The following DTD2 variants were observed in gnomAD, a reference collection of about 807,000 sequenced individuals.
The protein encoded by DTD2 is D-aminoacyl-tRNA deacylase 2.
Under a neutral mutation model 15.5 loss-of-function variants are expected in DTD2, and 12 were observed. That is an observed-to-expected ratio of 0.77 (90% CI 0.50 to 1.25). The LOEUF (loss-of-function observed/expected upper bound fraction) is 1.25. DTD2 is among the 50% of genes most tolerant of loss of function. DTD2 has a pLI of 0.00. For synonymous variants in DTD2, 59 were observed against 77.3 expected, an observed-to-expected ratio of 0.76 and a Z score of 1.24; for missense variants, 170 against 201.1, an observed-to-expected ratio of 0.85 and a Z score of 0.93.
rs201669408 is a variant in DTD2 at position 31,447,819 on chromosome 14, CA to C, written c.*309del. ...CTGGCGACAGAGCAAGACTCCATCT[CA>C]AAAAAAAAACAAAAACAAAAAAACA... On this transcript the variant is annotated 3_prime_UTR_variant, in exon 3 of 3. Coordinates refer to ENST00000310850, the MANE Select transcript of DTD2 (RefSeq NM_080664.3). The C allele has an allele frequency of 1.2e-3, 231 of 188,326 alleles. No homozygotes were observed. The highest frequency in any genetic ancestry group is 2.9e-3 in the South Asian group (24 of 8,402). 11.7% of individuals were successfully genotyped at this position (188,326 alleles called of 1,614,324 possible).
chr14:31,447,985 G>T lies in DTD2; in HGVS notation c.*144C>A. 1 of 656,942 alleles carries T rather than the reference G, an allele frequency of 1.5e-6. No individual in the cohort carries two copies. Among genetic ancestry groups the T allele is most frequent in the Non-Finnish European group, 2.5e-6 (1 of 396,320 alleles). 40.7% of individuals were successfully genotyped at this position (656,942 alleles called of 1,614,324 possible). On this transcript the variant is annotated 3_prime_UTR_variant, in exon 3 of 3. Coordinates refer to ENST00000310850, the MANE Select transcript of DTD2 (RefSeq NM_080664.3). ...ACTTGGCAAAGTCATCCAATTAGCA[G>T]GTGCAGAGTTATATATGAAACCCAA... is the stretch of plus-strand genomic sequence containing the variant.
intron 1 of DTD2, chr14:31,456,957 C>T: frequency 2.9e-6 from 1 of 339,976 alleles, no homozygotes; most frequent in Non-Finnish European, 5.5e-6. Flanking sequence ...TGCCCCCGAC[C>T]AGCATAGACC....
intron 2 of DTD2, 56 bp downstream of exon 2, chr14:31,453,219 G>T: frequency 6.4e-7 from 1 of 1,553,976 alleles, no homozygotes. Flanking sequence ...GATTACAGGT[G>T]TGAGCACCAT....
chr14:31,447,523 T>TA lies in DTD2; in HGVS notation c.*605dup, dbSNP rs2031974264. 6.6e-6 allele frequency: 1 copy of TA among 151,886 alleles called. No individual in the cohort carries two copies. The highest frequency in any genetic ancestry group is 1.5e-5 in the Non-Finnish European group (1 of 67,970). The allele number at this position is 151,886 out of a possible 1,614,324, so 9.4% of individuals were successfully genotyped here. ...AAATACTTAAAATGTACATAATTTT[T>TA]AAAAAACAACTAAGAGGCCGGGCAC... On this transcript the variant is annotated 3_prime_UTR_variant, in exon 3 of 3. Coordinates refer to ENST00000310850, the MANE Select transcript of DTD2 (RefSeq NM_080664.3).
At chr14:31,454,815 T>C (rs890159291) in intron 1 of DTD2, among the ~76,000 whole-genome samples, 2 of 152,234 alleles carry the variant, frequency 1.3e-5, no homozygotes, top group African/African-American at 4.8e-5. Context: ...TAATTCTCAC[T>C]GTAGCTTTAA....
intron 1 of DTD2, among the ~76,000 whole-genome samples, chr14:31,455,581 T>G (rs994051095): frequency 4.0e-5 from 6 of 151,044 alleles, no homozygotes; most frequent in Non-Finnish European, 7.4e-5. Context: ...GATAATTATT[T>G]TATTTATTAT....
intron 1 of DTD2, 46 bp downstream of exon 1, chr14:31,457,237 C>A (rs947219220): frequency 1.3e-5 from 20 of 1,517,696 alleles, no homozygotes; most frequent in Admixed American, 1.2e-4. Context: ...CGGAAAAAAC[C>A]GCCCCGCACG....
chr14:31,453,473 C>T (rs2032061945), intron 1 of DTD2, 129 bp from the exon 2 acceptor site: 1 of 706,524 alleles, frequency 1.4e-6, no homozygotes, highest in South Asian at 2.9e-5. Flanking sequence ...ATGAACTTTA[C>T]AAAAGATTTC....
chr14:31,457,038 C>T, intron 1 of DTD2: 1 of 550,384 alleles, frequency 1.8e-6, no homozygotes, highest in African/African-American at 1.9e-5. Flanking sequence ...CCTGTGGTCC[C>T]CCCAAGAAGG....
intron 2 of DTD2, among the ~76,000 whole-genome samples, chr14:31,450,249 G>A (rs924410202): frequency 6.6e-6 from 1 of 152,174 alleles, no homozygotes; most frequent in Non-Finnish European, 1.5e-5. Context: ...ACAAATATCA[G>A]TATGTAGATA....
At chr14:31,455,641 G>C (rs1471006633) in intron 1 of DTD2, among the ~76,000 whole-genome samples, 1 of 151,168 alleles carries the variant, frequency 6.6e-6, no homozygotes, top group African/African-American at 2.4e-5. Context: ...GAGTGCAGTG[G>C]CGTGATCTTG....
intron 1 of DTD2, among the ~76,000 whole-genome samples, chr14:31,453,958 G>C (rs2032068187): frequency 2.6e-5 from 4 of 152,196 alleles, no homozygotes; most frequent in Admixed American, 2.6e-4. Flanking sequence ...TAAAAGGTTG[G>C]TTGTTATCAG....
At chr14:31,448,482 T>G in intron 2 of DTD2, 28 bp from the exon 3 acceptor site, 1 of 1,543,770 alleles carries the variant, frequency 6.5e-7, no homozygotes, top group Non-Finnish European at 8.7e-7. Context: ...GCAAAACATT[T>G]TAAAGTGAAA....
In DTD2 at chr14:31,457,498, G is replaced by C. The variant is rs1013071298; in HGVS notation, c.-105C>G. On this transcript the variant is annotated 5_prime_UTR_variant, in exon 1 of 3. Transcript: ENST00000310850. ...CGAGGCGGGGCACGACGAAGGGCCT[G>C]CGCCGATTGCCCAGTGGCCCCGCCC... 2.5e-5 allele frequency: 20 copies of C among 808,766 alleles called. No individual in the cohort carries two copies. In the East Asian group the frequency reaches 6.4e-4, roughly 26 times the overall value. 50.1% of individuals were successfully genotyped at this position (808,766 alleles called of 1,614,324 possible). A position where few individuals can be genotyped will look rare whatever the true frequency, so the allele number is the denominator to read the frequency against.
intron 1 of DTD2, 81 bp downstream of exon 1, chr14:31,457,202 G>A (rs2032105220): frequency 1.5e-6 from 2 of 1,308,202 alleles, no homozygotes; most frequent in Non-Finnish European, 2.1e-6. Flanking sequence ...GGGAGACACA[G>A]AGCGGACGAG....
intron 2 of DTD2, among the ~76,000 whole-genome samples, chr14:31,450,605 T>C (rs1292021060): frequency 6.6e-6 from 1 of 152,188 alleles, no homozygotes; most frequent in African/African-American, 2.4e-5. Context: ...CTTAGCCTGC[T>C]GGAATAGAGG....
intron 1 of DTD2, among the ~76,000 whole-genome samples, chr14:31,454,180 G>C (rs1262687702): frequency 1.3e-5 from 2 of 152,158 alleles, no homozygotes; most frequent in African/African-American, 4.8e-5. Flanking sequence ...TAAACACAGT[G>C]CCTGGTTCAT....
In DTD2 at chr14:31,457,312, C is replaced by G; in HGVS notation, c.82G>C (p.Asp28His). Residue 28 changes from aspartate (D) to histidine (H), a missense_variant, in exon 1 of 3, where the codon GAT becomes CAT. By Grantham distance (81) the Asp-to-His change is moderately conservative. Coordinates refer to ENST00000310850, the MANE Select transcript of DTD2 (RefSeq NM_080664.3). ...LHARLQIRPA[D>H]GDVAAQWVEV... is the part of the protein sequence containing the mutation. ...ACCCACTGGGCCGCGACGTCCCCAT[C>G]GGCTGGGCGAATTTGCAGCCGGGCG... 2 of 1,593,430 alleles carry G rather than the reference C, an allele frequency of 1.3e-6. No individual in the cohort carries two copies. The highest frequency in any genetic ancestry group is 1.7e-6 in the Non-Finnish European group (2 of 1,171,396).
In DTD2 at chr14:31,447,250, T is replaced by C. The variant is rs771253261; in HGVS notation, c.*879A>G. 2 of 151,964 alleles carry C rather than the reference T, an allele frequency of 1.3e-5. No homozygotes were observed. The highest frequency in any genetic ancestry group is 2.9e-5 in the Non-Finnish European group (2 of 68,006). 9.4% of individuals were successfully genotyped at this position (151,964 alleles called of 1,614,324 possible). A position where few individuals can be genotyped will look rare whatever the true frequency, so the allele number is the denominator to read the frequency against. ...CTCCCACCTCGGCCTCCCAAAGTGC[T>C]GGGATTATAGGCATGAGCCACCACA... On this transcript the variant is annotated 3_prime_UTR_variant, in exon 3 of 3. Transcript: ENST00000310850.
Sources: gnomAD v4.1 joint callset for allele counts (sites outside exome capture counted in the v4.1 genomes callset) on GRCh38, gnomAD v4.1.1 for gene constraint, MANE v1.5 for transcripts, NCBI Gene and HGNC (gene_info 2026-07-23, HGNC 2026-07-21) for gene names.